The following IL1RAPL1 variants were observed in gnomAD, a reference collection of about 807,000 sequenced individuals.
IL1RAPL1 encodes the protein interleukin-1 receptor accessory protein-like 1.
Under a neutral mutation model 48.4 loss-of-function variants are expected in IL1RAPL1, and 3 were observed. That is an observed-to-expected ratio of 0.06 (90% confidence interval 0.03 to 0.16). The LOEUF (loss-of-function observed/expected upper bound fraction) is 0.16, where lower values mean the gene tolerates loss of function less well. IL1RAPL1 is among the 10% of genes least tolerant of loss of function. The pLI is 1.00. For missense variants in IL1RAPL1, 349 were observed against 530.6 expected, an observed-to-expected ratio of 0.66 and a Z score of 3.36; for synonymous variants, 185 against 187.7, an observed-to-expected ratio of 0.99 and a Z score of 0.12.
At chrX:29,800,955 G>A (rs1347145085) in intron 6 of IL1RAPL1, among the ~76,000 whole-genome samples, 1 of 87,087 alleles carries the variant, frequency 1.1e-5, no homozygotes, top group Admixed American at 1.4e-4. Flanking sequence ...AGCCAAGATG[G>A]CACCGTTGCA....
rs139111246 is a variant in IL1RAPL1 at position 29,928,655 on chromosome X, A to G, written c.1057+8561A>G. On this transcript the variant is annotated intron_variant, in intron 8 of 10. Transcript: ENST00000378993. ...ACTGACTGACCGCTGCCAGAAGGAT[A>G]TCTACCACCATCCTGGAGCATTAAA... Among the ~76,000 whole-genome samples the G allele has an allele frequency of 3.8e-4, 43 of 112,266 alleles. No individual in the cohort carries two copies. The East Asian group carries it at 0.012, about 31-fold the overall frequency.
chrX:29,213,315 A>C (rs1316306447), intron 2 of IL1RAPL1, among the ~76,000 whole-genome samples: 2 of 112,403 alleles, frequency 1.8e-5, no homozygotes, highest in African/African-American at 6.5e-5. Flanking sequence ...GACAACTTCT[A>C]ATCTCTATTC....
chrX:29,375,792 TTG>T (rs1040361797), intron 3 of IL1RAPL1, among the ~76,000 whole-genome samples: 1 of 112,279 alleles, frequency 8.9e-6, no homozygotes, highest in Non-Finnish European at 1.9e-5. Context: ...TCTTGGGAGA[TTG>T]TGTGTTTTCA....
At chrX:28,796,872 G>A (rs891790550) in intron 2 of IL1RAPL1, among the ~76,000 whole-genome samples, 1 of 112,318 alleles carries the variant, frequency 8.9e-6, no homozygotes, top group African/African-American at 3.2e-5. Context: ...CATTGCCCTA[G>A]CAATGATTCT....
chrX:28,645,638 TTAATG>T (rs1934601103), intron 1 of IL1RAPL1, among the ~76,000 whole-genome samples: 2 of 110,948 alleles, frequency 1.8e-5, no homozygotes, highest in South Asian at 7.6e-4. Flanking sequence ...ATATGAAAGA[TTAATG>T]TAAGGAGAAA....
chrX:28,934,189 C>T (rs1041132632), intron 2 of IL1RAPL1, among the ~76,000 whole-genome samples: 25 of 110,828 alleles, frequency 2.3e-4, no homozygotes, highest in African/African-American at 7.9e-4. Context: ...CACTCTGGTT[C>T]GAACACCTCT....
chrX:28,771,482 A>G (rs771721227), intron 1 of IL1RAPL1, among the ~76,000 whole-genome samples: 4 of 111,324 alleles, frequency 3.6e-5, no homozygotes, highest in Non-Finnish European at 5.6e-5. Flanking sequence ...TTTTAAGTGA[A>G]GTGGCCGGAA....
chrX:29,844,401 C>T (rs1315020672), intron 6 of IL1RAPL1, among the ~76,000 whole-genome samples: 1 of 111,068 alleles, frequency 9.0e-6, no homozygotes, highest in African/African-American at 3.3e-5. Flanking sequence ...CAATGATGTC[C>T]TCTCTGAAGA....
chrX:29,751,749 A>G, intron 6 of IL1RAPL1, among the ~76,000 whole-genome samples: 1 of 108,509 alleles, frequency 9.2e-6, no homozygotes, highest in African/African-American at 3.4e-5. Flanking sequence ...TGGGTAACAT[A>G]GTGAGACCCC....
chrX:28,811,861 A>G (rs1393980564), intron 2 of IL1RAPL1, among the ~76,000 whole-genome samples: 1 of 110,708 alleles, frequency 9.0e-6, no homozygotes, highest in Non-Finnish European at 1.9e-5. Flanking sequence ...TGAAGCCCAG[A>G]ACGTCAGAGA....
chrX:28,899,821 A>T (rs1365557139), intron 2 of IL1RAPL1, among the ~76,000 whole-genome samples: 2 of 111,434 alleles, frequency 1.8e-5, no homozygotes, highest in African/African-American at 3.3e-5. Flanking sequence ...CAGAGAGAAG[A>T]GAGTTGTGGG....
chrX:29,169,562 A>G (rs1929869857), intron 2 of IL1RAPL1, among the ~76,000 whole-genome samples: 1 of 111,096 alleles, frequency 9.0e-6, no homozygotes, highest in East Asian at 2.8e-4. Context: ...CTCCAAAAAT[A>G]TATGGTCATT....
intron 2 of IL1RAPL1, among the ~76,000 whole-genome samples, chrX:29,162,962 A>C (rs944407662): frequency 5.5e-5 from 6 of 108,813 alleles, no homozygotes; most frequent in Non-Finnish European, 7.6e-5. Context: ...AATCCCAGCT[A>C]CTCGGGAGGC....
chrX:29,381,833 A>AATATATATAT (rs35091339), intron 3 of IL1RAPL1, among the ~76,000 whole-genome samples: 30 of 25,375 alleles, frequency 1.2e-3, no homozygotes, highest in African/African-American at 3.1e-3. Context: ...AAAAAAAAAA[A>AATATATATAT]ATATATATAT....
intron 6 of IL1RAPL1, among the ~76,000 whole-genome samples, chrX:29,800,906 A>G (rs1490936678): frequency 3.0e-5 from 3 of 98,433 alleles, no homozygotes; most frequent in Non-Finnish European, 6.1e-5. Flanking sequence ...AGGCTGAGGC[A>G]GGAGAATTGC....
Position 29,283,088 on chromosome X carries a change from A to G in IL1RAPL1, c.233A>G (p.Lys78Arg), listed in dbSNP as rs138853476. Residue 78 changes from lysine (K) to arginine (R), a missense_variant, in exon 3 of 11, where the codon AAA becomes AGA. By Grantham distance (26) the Lys-to-Arg change is conservative. Coordinates refer to ENST00000378993, the MANE Select transcript of IL1RAPL1 (RefSeq NM_014271.4). ...GCTGGACTCAGTTTGATGTGGTACA[A>G]AAGTTCTGGTCCTGGAGACTTTGAA... is the stretch of plus-strand genomic sequence containing the variant. The part of the protein sequence containing the change: ...QSAGLSLMWY[K>R]SSGPGDFEEP... The G allele has an allele frequency of 4.1e-5, 50 of 1,210,043 alleles. No individual in the cohort carries two copies. The highest frequency in any genetic ancestry group is 5.4e-5 in the Non-Finnish European group (48 of 895,280).
chrX:29,894,985 G>A lies in IL1RAPL1; in HGVS notation c.779-22479G>A, dbSNP rs182793900. Among the ~76,000 whole-genome samples, 198 of 108,929 alleles carry A rather than the reference G, an allele frequency of 1.8e-3. 3 individuals carry two copies. The highest frequency in any genetic ancestry group is 0.013 in the Admixed American group (134 of 10,197). The allele number at this position is 108,929 out of a possible 115,157, so 94.6% of individuals were successfully genotyped here. On this transcript the variant is annotated intron_variant, in intron 6 of 10. Coordinates refer to ENST00000378993, the MANE Select transcript of IL1RAPL1 (RefSeq NM_014271.4). ...AGGACTACAGGCACCCACAATGCCC[G>A]GCTAATTTTTGTATTTTCAGTAGAG...
intron 2 of IL1RAPL1, among the ~76,000 whole-genome samples, chrX:29,059,810 A>G (rs1927301742): frequency 8.9e-6 from 1 of 111,770 alleles, no homozygotes; most frequent in Non-Finnish European, 1.9e-5. Context: ...GAGCTATATG[A>G]ACAATTATTA....
At chrX:28,677,017 TATAAA>T (rs1935005208) in intron 1 of IL1RAPL1, among the ~76,000 whole-genome samples, 2 of 111,684 alleles carry the variant, frequency 1.8e-5, no homozygotes, top group Admixed American at 1.9e-4. Flanking sequence ...AGTTCTACCT[TATAAA>T]AGAATAGTTC....
Sources: gnomAD v4.1 joint callset for allele counts (sites outside exome capture counted in the v4.1 genomes callset) on GRCh38, gnomAD v4.1.1 for gene constraint, MANE v1.5 for transcripts, NCBI Gene and HGNC (gene_info 2026-07-23, HGNC 2026-07-21) for gene names.